The following PTK2 variants were observed in gnomAD, a reference collection of about 807,000 sequenced individuals.
PTK2 encodes focal adhesion kinase 1.
A neutral mutation model predicts 150.1 loss-of-function variants in PTK2; 45 were observed. The observed-to-expected ratio is 0.30, with a 90% confidence interval of 0.24 to 0.38. PTK2 has a LOEUF of 0.38. Ranked by LOEUF, PTK2 falls within the 10% of genes least tolerant of loss-of-function variation. PTK2 has a pLI of 1.00. For missense variants in PTK2, 919 were observed against 1,307.3 expected (o/e 0.70, Z 4.58); for synonymous variants, 432 against 449.2 (o/e 0.96, Z 0.48).
intron 16 of PTK2, among the ~76,000 whole-genome samples, chr8:140,756,680 A>G (rs1358992680): frequency 6.8e-6 from 1 of 147,378 alleles, no homozygotes; most frequent in Non-Finnish European, 1.5e-5. Context: ...AACAAGAGGG[A>G]AACTCTGTCT....
chr8:140,697,319 A>AC lies in PTK2; in HGVS notation c.2499+3571_2499+3572insG, dbSNP rs556439660. Among the ~76,000 whole-genome samples the AC allele has an allele frequency of 2.0e-4, 31 of 151,976 alleles. 1 individual carries two copies. The East Asian group carries it at 5.8e-3, about 28-fold the overall frequency. The stretch of plus-strand genomic sequence containing the variant: ...TTAAGTTAAAAACAAAAACAAACAA[A>AC]AAAAAAAACACCACATAGTGAGAAG... On this transcript the variant is annotated intron_variant, in intron 26 of 31. Transcript: ENST00000522684.
chr8:140,719,541 G>A (rs948908826), intron 22 of PTK2, among the ~76,000 whole-genome samples: 7 of 152,182 alleles, frequency 4.6e-5, no homozygotes, highest in Non-Finnish European at 8.8e-5. Context: ...CCGCTGCTGG[G>A]AGGATTAAGG....
rs77376011 is a variant in PTK2 at position 140,919,788 on chromosome 8, C to G, written c.-33+5873G>C. On this transcript the variant is annotated intron_variant, in intron 2 of 31. Transcript: ENST00000522684. ...TCAGCAAAATATTTACTCTGAGTAT[C>G]TAATTACATAATCAAGTGAACAAAA... Among the ~76,000 whole-genome samples the G allele has an allele frequency of 4.6e-3, 700 of 152,234 alleles. 3 individuals carry two copies. Among genetic ancestry groups the G allele is most frequent in the African/African-American group, 0.016 (660 of 41,538 alleles).
At chr8:140,781,041 T>C (rs1252024524) in intron 14 of PTK2, among the ~76,000 whole-genome samples, 1 of 152,218 alleles carries the variant, frequency 6.6e-6, no homozygotes, top group Admixed American at 6.5e-5. Flanking sequence ...CTCCTCTTTG[T>C]AAAGGCATCA....
At chr8:140,659,668 G>A in exon 32 of PTK2, 1 of 1,613,858 alleles carries the variant, frequency 6.2e-7, no homozygotes, top group Non-Finnish European at 8.5e-7. Context: ...TAGCTTCTGT[G>A]CCATCTCAAT....
chr8:140,910,553 T>G (rs1166866056), intron 2 of PTK2, among the ~76,000 whole-genome samples: 1 of 152,174 alleles, frequency 6.6e-6, no homozygotes, highest in Admixed American at 6.5e-5. Context: ...CCCTTGAAAG[T>G]GACTGCTATA....
At chr8:140,721,849 G>C (rs2100043068) in intron 22 of PTK2, 1 of 152,048 alleles carries the variant, frequency 6.6e-6, no homozygotes, top group Admixed American at 6.5e-5. Flanking sequence ...CTCCCTTTAG[G>C]CTAAGTTACA....
At chr8:140,782,279 T>A (rs1208310349) in intron 14 of PTK2, among the ~76,000 whole-genome samples, 3 of 151,720 alleles carry the variant, frequency 2.0e-5, no homozygotes, top group Non-Finnish European at 4.4e-5. Flanking sequence ...GGTCCTCTCT[T>A]TGTCACCCAG....
At chr8:140,945,159 G>C (rs985982122) in intron 1 of PTK2, among the ~76,000 whole-genome samples, 7 of 152,196 alleles carry the variant, frequency 4.6e-5, no homozygotes, top group African/African-American at 1.7e-4. Context: ...TAGATGCCAA[G>C]ATTATTAAGT....
intron 31 of PTK2, 146 bp from the exon 36 acceptor site, chr8:140,659,824 G>A: frequency 1.4e-6 from 1 of 702,334 alleles, no homozygotes; most frequent in Non-Finnish European, 2.3e-6. Flanking sequence ...CCACTAGCTG[G>A]GAACACAGGC....
Position 140,925,645 on chromosome 8 carries a change from T to C in PTK2, c.-33+16A>G, listed in dbSNP as rs2100169155. On this transcript the variant is annotated intron_variant, in intron 2 of 31. Transcript: ENST00000522684. The stretch of plus-strand genomic sequence containing the variant: ...TTATTCACTTTCTTTGCAAAGTTTC[T>C]TAACCATTACTATACCTCCCTTCCG... 6 of 985,066 alleles carry C rather than the reference T, an allele frequency of 6.1e-6. No homozygotes were observed. Among genetic ancestry groups the C allele is most frequent in the African/African-American group, 5.2e-5 (3 of 57,232 alleles). 61.0% of individuals were successfully genotyped at this position (985,066 alleles called of 1,614,324 possible).
At chr8:140,822,971 C>T (rs953760772) in intron 8 of PTK2, among the ~76,000 whole-genome samples, 3 of 152,144 alleles carry the variant, frequency 2.0e-5, no homozygotes, top group Non-Finnish European at 4.4e-5. Flanking sequence ...AAACTTCTAT[C>T]ATAGAACATG....
At chr8:140,829,842 G>C (rs990363391) in intron 8 of PTK2, among the ~76,000 whole-genome samples, 6 of 152,158 alleles carry the variant, frequency 3.9e-5, no homozygotes, top group Admixed American at 6.5e-5. Context: ...ATCTGAGCCA[G>C]ACTCTGCCTT....
intron 5 of PTK2, among the ~76,000 whole-genome samples, chr8:140,863,104 C>G (rs2100137183): frequency 6.6e-6 from 1 of 152,068 alleles, no homozygotes; most frequent in Admixed American, 6.5e-5. Flanking sequence ...ACCTTCTTAC[C>G]TCCTTCTTTT....
rs1568516247 is a variant in PTK2, at chr8:140,902,938, T to TTG, written c.-32-12170_-32-12169insCA. Among the ~76,000 whole-genome samples, 30 of 137,022 alleles carry TTG rather than the reference T, an allele frequency of 2.2e-4. 1 individual carries two copies. The highest frequency in any genetic ancestry group is 3.7e-4 in the Admixed American group (5 of 13,606). The allele number at this position is 137,022 out of a possible 152,430, so 89.9% of individuals were successfully genotyped here. ...TGATGAGAGTTGTTTTTTTTTTTTT[T>TTG]TTTTTTTTTTTTTTTTTTTTTGCCA... On this transcript the variant is annotated intron_variant, in intron 2 of 31. Transcript: ENST00000522684.
At chr8:140,995,083 CAAAA>C (rs35987927) in intron 1 of PTK2, among the ~76,000 whole-genome samples, 2 of 122,314 alleles carry the variant, frequency 1.6e-5, no homozygotes, top group Non-Finnish European at 1.7e-5. Context: ...AACTCTGTCT[CAAAA>C]AAAAAAAAAA....
In PTK2 at chr8:140,925,762, G is replaced by C. The variant is rs1158801304; in HGVS notation, c.-121-13C>G. 8.3e-6 allele frequency: 5 copies of C among 603,956 alleles called. No homozygotes were observed. Among genetic ancestry groups the C allele is most frequent in the East Asian group, 1.4e-4 (1 of 7,078 alleles). 37.4% of individuals were successfully genotyped at this position (603,956 alleles called of 1,614,324 possible). On this transcript the variant is annotated splice_polypyrimidine_tract_variant and intron_variant, in intron 1 of 31. Transcript: ENST00000522684. ...GCCCCAGTTCTGCCTGTGAGACAAA[G>C]AAAATCATTTCAAAATCCTGAACTT...
intron 23 of PTK2, among the ~76,000 whole-genome samples, chr8:140,716,868 G>C (rs1021777583): frequency 3.3e-5 from 5 of 152,278 alleles, no homozygotes; most frequent in Admixed American, 3.3e-4. Flanking sequence ...CCCAGTGTGT[G>C]AAAATAGCAT....
chr8:140,799,701 A>G (rs2100093810), intron 12 of PTK2, among the ~76,000 whole-genome samples: 2 of 152,186 alleles, frequency 1.3e-5, no homozygotes, highest in Non-Finnish European at 2.9e-5. Flanking sequence ...TAAGTCCTTT[A>G]TCCTCCTAAT....
Sources: allele counts gnomAD v4.1 joint callset (sites outside exome capture counted in the v4.1 genomes callset), GRCh38; gene constraint gnomAD v4.1.1; transcripts MANE v1.5; gene names NCBI Gene and HGNC (gene_info 2026-07-23, HGNC 2026-07-21).